Variants in CCNQ observed in about 807,000 individuals in gnomAD.
The protein encoded by CCNQ is cyclin-Q.
CCNQ carries 3 observed loss-of-function variants against 17.7 expected under a neutral mutation model. The ratio of observed to expected loss-of-function variants is 0.17; its 90% confidence interval spans 0.08 to 0.44. The LOEUF is 0.44. Ranked by LOEUF, CCNQ falls within the 20% of genes least tolerant of loss-of-function variation. The probability of loss-of-function intolerance (pLI) is 0.99; values close to 1 mark genes in which losing one functional copy is unlikely to be tolerated. For synonymous variants in CCNQ, 73 were observed against 96.0 expected (o/e 0.76, Z 1.40); for missense variants, 146 against 222.6 (o/e 0.66, Z 2.19).
intron 4 of CCNQ, among the ~76,000 whole-genome samples, chrX:153,591,084 C>T (rs1473183643): frequency 9.0e-6 from 1 of 111,637 alleles, no homozygotes; most frequent in Non-Finnish European, 1.9e-5. Flanking sequence ...AAGTGGCAGC[C>T]GAGAGCACAC....
In CCNQ at chrX:153,588,150, C is replaced by T; in HGVS notation, c.*215G>A. 2 of 521,583 alleles carry T rather than the reference C, an allele frequency of 3.8e-6. No homozygotes were observed. Among genetic ancestry groups the T allele is most frequent in the Non-Finnish European group, 3.5e-6 (1 of 284,420 alleles). The allele number at this position is 521,583 out of a possible 1,213,427, so 43.0% of individuals were successfully genotyped here. A position where few individuals can be genotyped will look rare whatever the true frequency, so the allele number is the denominator to read the frequency against. On this transcript the variant is annotated 3_prime_UTR_variant, in exon 5 of 5. Transcript: ENST00000576892. ...TGCACACAGTACACTCCCGGCCTGC[C>T]CGCTGGAGGCGCGGCTCCCACCATC...
chrX:153,589,692 G>T (rs1236769280), intron 4 of CCNQ, among the ~76,000 whole-genome samples: 1 of 112,717 alleles, frequency 8.9e-6, no homozygotes, highest in Non-Finnish European at 1.9e-5. Context: ...CCAAGTCAAG[G>T]CAAGAACTGG....
rs1454469912 is a variant in CCNQ, at chrX:153,587,943, T to C, written c.*422A>G. On this transcript the variant is annotated 3_prime_UTR_variant, in exon 5 of 5. Transcript: ENST00000576892. ...GTCCCTATTGACTTGTATCACCTTT[T>C]ATTACACAAAATAGATTTCAGCCAC... 7.4e-6 allele frequency: 2 copies of C among 271,705 alleles called. No homozygotes were observed. The highest frequency in any genetic ancestry group is 7.6e-5 in the South Asian group (2 of 26,348). The allele number at this position is 271,705 out of a possible 1,213,427, so 22.4% of individuals were successfully genotyped here.
chrX:153,588,620 T>C (rs1557025111), intron 4 of CCNQ, among the ~76,000 whole-genome samples, 166 bp from the exon 5 acceptor site: 2 of 112,539 alleles, frequency 1.8e-5, no homozygotes, highest in Non-Finnish European at 3.8e-5. Context: ...TTCCAGCCCG[T>C]TGAGGCCAAA....
In CCNQ at chrX:153,588,119, G is replaced by A; in HGVS notation, c.*246C>T. On this transcript the variant is annotated 3_prime_UTR_variant, in exon 5 of 5. Transcript: ENST00000576892. ...ACAAACGCAGATGTGGCTGCCTTGG[G>A]TCAGCTGCACACAGTACACTCCCGG... The A allele has an allele frequency of 2.0e-6, 1 of 492,113 alleles. No individual in the cohort carries two copies. The highest frequency in any genetic ancestry group is 3.7e-6 in the Non-Finnish European group (1 of 267,823). The allele number at this position is 492,113 out of a possible 1,213,427, so 40.6% of individuals were successfully genotyped here.
At chrX:153,597,912 G>A (rs782454499) in intron 1 of CCNQ, among the ~76,000 whole-genome samples, 1 of 110,970 alleles carries the variant, frequency 9.0e-6, no homozygotes, top group African/African-American at 3.3e-5. Flanking sequence ...GGTAGCAGAT[G>A]AGGTGTCACT....
At chrX:153,593,932 C>A (rs782316222) in intron 3 of CCNQ, among the ~76,000 whole-genome samples, 40 of 112,791 alleles carry the variant, frequency 3.5e-4, no homozygotes, top group African/African-American at 1.3e-3. Context: ...ACAACTCCTC[C>A]ATCTCTGTCT....
chrX:153,595,960 C>T, intron 2 of CCNQ, 44 bp downstream of exon 2: 1 of 1,202,271 alleles, frequency 8.3e-7, no homozygotes, highest in Non-Finnish European at 1.1e-6. Flanking sequence ...CCTGCCCGTC[C>T]CCCCCACCGG....
At position 153,588,266 on chromosome X, in the gene CCNQ, C is replaced by G; in HGVS notation, c.*99G>C. On this transcript the variant is annotated 3_prime_UTR_variant, in exon 5 of 5. Transcript: ENST00000576892. ...CCAGCAGCACAACCAGTCCTCCCAG[C>G]TGGTCCTGTGGGGACCAGCCGTCAT... is the stretch of plus-strand genomic sequence containing the variant. The G allele has an allele frequency of 1.5e-6, 1 of 683,831 alleles. No homozygotes were observed. The highest frequency in any genetic ancestry group is 2.4e-6 in the Non-Finnish European group (1 of 413,293). 56.4% of individuals were successfully genotyped at this position (683,831 alleles called of 1,213,427 possible). A position where few individuals can be genotyped will look rare whatever the true frequency, so the allele number is the denominator to read the frequency against.
intron 1 of CCNQ, among the ~76,000 whole-genome samples, chrX:153,596,783 G>A (rs1045277968): frequency 1.8e-5 from 2 of 112,475 alleles, no homozygotes; most frequent in Non-Finnish European, 3.8e-5. Context: ...TTGCATTGCA[G>A]AGAAAAGGCA....
intron 2 of CCNQ, among the ~76,000 whole-genome samples, chrX:153,595,230 G>A (rs2091019303): frequency 8.8e-6 from 1 of 113,155 alleles, no homozygotes; most frequent in African/African-American, 3.2e-5. Context: ...CGATCCTCCC[G>A]CCTCAGCTAC....
intron 4 of CCNQ, among the ~76,000 whole-genome samples, chrX:153,590,098 G>A (rs2090980497): frequency 9.2e-6 from 1 of 108,492 alleles, no homozygotes; most frequent in Non-Finnish European, 1.9e-5. Context: ...TGTGGTGGCA[G>A]GCACTTGTAA....
chrX:153,597,860 T>A (rs2091038598), intron 1 of CCNQ, among the ~76,000 whole-genome samples: 1 of 111,266 alleles, frequency 9.0e-6, no homozygotes, highest in Admixed American at 9.6e-5. Context: ...AAGCTTTGTT[T>A]TACAGAGCAA....
At chrX:153,593,664 T>C (rs993795673) in intron 3 of CCNQ, among the ~76,000 whole-genome samples, 15 of 112,146 alleles carry the variant, frequency 1.3e-4, no homozygotes, top group African/African-American at 4.9e-4. Context: ...CCCATGCGGG[T>C]GGAACCGTCT....
At chrX:153,590,854 G>A (rs782609885) in intron 4 of CCNQ, among the ~76,000 whole-genome samples, 8 of 111,808 alleles carry the variant, frequency 7.2e-5, no homozygotes, top group Admixed American at 2.8e-4. Flanking sequence ...CTGGAAAGAG[G>A]CAGGTTCTCC....
intron 3 of CCNQ, among the ~76,000 whole-genome samples, chrX:153,593,776 A>G (rs1413615069): frequency 2.7e-5 from 3 of 112,579 alleles, no homozygotes; most frequent in African/African-American, 9.7e-5. Context: ...ATGCCAGTGG[A>G]CTGTGTTGGT....
At chrX:153,593,469 A>C (rs1279742657) in intron 3 of CCNQ, among the ~76,000 whole-genome samples, 2 of 111,288 alleles carry the variant, frequency 1.8e-5, no homozygotes, top group Non-Finnish European at 3.8e-5. Context: ...CTCTTTCCTA[A>C]GCCCTGTCGC....
chrX:153,594,425 C>T (rs5945316), intron 3 of CCNQ, 122 bp downstream of exon 3: 16 of 974,993 alleles, frequency 1.6e-5, no homozygotes, highest in Non-Finnish European at 2.0e-5. Flanking sequence ...CAGTTCCCAG[C>T]CGCAGCCCTG....
chrX:153,596,042 C>A lies in CCNQ; in HGVS notation c.258G>T (p.Gln86His), dbSNP rs781977080. Residue 86 changes from glutamine to histidine, a missense_variant, in exon 2 of 5, where the codon CAG becomes CAT. Gln to His is a conservative substitution (Grantham distance 24). Transcript: ENST00000576892. ...SIYLAGKVEE[Q>H]HLRTRDIINV... is the part of the protein sequence containing the mutation. ...TGATGATGTCACGAGTCCGCAGGTG[C>A]TGCTCTTCCACTTTGCCGGCCAAGT... 8.2e-7 allele frequency: 1 copy of A among 1,212,271 alleles called. No individual in the cohort carries two copies. Among genetic ancestry groups the A allele is most frequent in the East Asian group, 3.0e-5 (1 of 33,865 alleles).
Sources: gnomAD v4.1 joint callset for allele counts (sites outside exome capture counted in the v4.1 genomes callset) on GRCh38, gnomAD v4.1.1 for gene constraint, MANE v1.5 for transcripts, NCBI Gene and HGNC (gene_info 2026-07-23, HGNC 2026-07-21) for gene names.